The following SDK1 variants were observed in gnomAD, a reference collection of about 807,000 sequenced individuals.
SDK1 encodes the protein sidekick cell adhesion molecule 1.
Under a neutral mutation model 245.5 loss-of-function variants are expected in SDK1, and 157 were observed. That is an observed-to-expected ratio of 0.64 (90% confidence interval 0.56 to 0.73). The LOEUF (loss-of-function observed/expected upper bound fraction) is 0.73, where lower values mean the gene tolerates loss of function less well. Ranked by LOEUF, SDK1 falls within the 30% of genes least tolerant of loss-of-function variation. SDK1 has a pLI of 0.00. For synonymous variants in SDK1, 1,647 were observed against 1,278.5 expected, an observed-to-expected ratio of 1.29 and a Z score of -6.15; for missense variants, 3,583 against 3,002.3, an observed-to-expected ratio of 1.19 and a Z score of -4.52.
At chr7:3,462,526 G>A (rs1271088289) in intron 1 of SDK1, among the ~76,000 whole-genome samples, 1 of 152,014 alleles carries the variant, frequency 6.6e-6, no homozygotes, top group African/African-American at 2.4e-5. Flanking sequence ...ATTTATCTGA[G>A]CTCCCATCAC....
At chr7:4,077,778 C>T (rs1584045897) in intron 21 of SDK1, among the ~76,000 whole-genome samples, 1 of 152,174 alleles carries the variant, frequency 6.6e-6, no homozygotes, top group African/African-American at 2.4e-5. Context: ...GAAAGACCTG[C>T]CCCCATGATT....
At chr7:3,321,365 G>T (rs915296434) in intron 1 of SDK1, among the ~76,000 whole-genome samples, 8 of 152,078 alleles carry the variant, frequency 5.3e-5, no homozygotes, top group African/African-American at 1.4e-4. Context: ...GTCCCAGGTG[G>T]CCAGCCTTGT....
intron 16 of SDK1, among the ~76,000 whole-genome samples, chr7:4,014,214 G>T (rs547984053): frequency 6.6e-6 from 1 of 152,322 alleles, no homozygotes; most frequent in East Asian, 1.9e-4. Flanking sequence ...CCAGGCCCGG[G>T]GCACAGAGTT....
At chr7:3,306,462 A>C (rs781008544) in intron 1 of SDK1, among the ~76,000 whole-genome samples, 1 of 152,228 alleles carries the variant, frequency 6.6e-6, no homozygotes. Context: ...TTTTATCTGC[A>C]CTGAAGTGTA....
At chr7:3,573,729 C>A (rs1363132901) in intron 1 of SDK1, among the ~76,000 whole-genome samples, 1 of 152,000 alleles carries the variant, frequency 6.6e-6, no homozygotes, top group African/African-American at 2.4e-5. Flanking sequence ...TTTCTGGGAG[C>A]CAGGCTGCGT....
intron 5 of SDK1, among the ~76,000 whole-genome samples, chr7:3,839,332 T>C (rs1158133109): frequency 1.3e-5 from 2 of 152,164 alleles, no homozygotes; most frequent in Non-Finnish European, 2.9e-5. Flanking sequence ...AATAAGTGGG[T>C]AAGAAATCCC....
intron 4 of SDK1, among the ~76,000 whole-genome samples, chr7:3,671,403 A>G (rs919106554): frequency 2.0e-5 from 3 of 152,230 alleles, no homozygotes; most frequent in Admixed American, 1.3e-4. Context: ...AATGGAATCA[A>G]TGTACATCTC....
intron 13 of SDK1, among the ~76,000 whole-genome samples, chr7:3,977,380 G>A (rs919782145): frequency 1.9e-5 from 2 of 106,348 alleles, no homozygotes; most frequent in African/African-American, 3.1e-5. Flanking sequence ...CCACACAGAC[G>A]GTCCTCCAGA....
intron 3 of SDK1, 123 bp downstream of exon 3, chr7:3,639,233 A>G: frequency 7.7e-6 from 4 of 518,248 alleles, no homozygotes; most frequent in Non-Finnish European, 3.4e-6. Context: ...TTTGAGTAGA[A>G]TAATTGCAAA....
chr7:3,598,325 A>G (rs1186624955), intron 1 of SDK1, among the ~76,000 whole-genome samples: 1 of 152,206 alleles, frequency 6.6e-6, no homozygotes, highest in Non-Finnish European at 1.5e-5. Flanking sequence ...GCATTATCAG[A>G]ATATTTTCTC....
At chr7:4,254,699 T>C (rs1300724148) in intron 44 of SDK1, among the ~76,000 whole-genome samples, 3 of 151,792 alleles carry the variant, frequency 2.0e-5, no homozygotes, top group Non-Finnish European at 2.9e-5. Context: ...TCATTTTTGG[T>C]CATATATTGC....
intron 7 of SDK1, among the ~76,000 whole-genome samples, chr7:3,953,261 C>A (rs191620917): frequency 1.4e-3 from 209 of 152,250 alleles, no homozygotes; most frequent in African/African-American, 4.9e-3. Context: ...CGTCCCATTC[C>A]TTTAATCATT....
At chr7:4,114,401 T>C (rs906990775) in intron 25 of SDK1, 127 bp downstream of exon 25, 1 of 728,732 alleles carries the variant, frequency 1.4e-6, no homozygotes, top group African/African-American at 2.1e-5. Flanking sequence ...TCTTGGAGCT[T>C]TCCTAATCCC....
intron 41 of SDK1, among the ~76,000 whole-genome samples, chr7:4,234,527 G>A (rs982979010): frequency 6.6e-6 from 1 of 152,164 alleles, no homozygotes; most frequent in African/African-American, 2.4e-5. Flanking sequence ...GAAGGTGGCG[G>A]AGAAAAAGTC....
chr7:3,669,968 C>G (rs1783646587), intron 4 of SDK1, among the ~76,000 whole-genome samples: 1 of 152,230 alleles, frequency 6.6e-6, no homozygotes, highest in Admixed American at 6.5e-5. Context: ...AAGGAATTAT[C>G]CTTGATACTT....
intron 44 of SDK1, among the ~76,000 whole-genome samples, chr7:4,261,603 T>C (rs961478798): frequency 1.3e-5 from 2 of 152,156 alleles, no homozygotes; most frequent in Non-Finnish European, 2.9e-5. Context: ...TGTAAAAGAA[T>C]GCACATTCCC....
intron 4 of SDK1, among the ~76,000 whole-genome samples, chr7:3,809,851 C>T (rs1387788893): frequency 6.6e-6 from 1 of 152,132 alleles, no homozygotes; most frequent in Admixed American, 6.6e-5. Flanking sequence ...AAGTGAGACA[C>T]AGAAAGCATT....
intron 1 of SDK1, among the ~76,000 whole-genome samples, chr7:3,508,651 C>A (rs1782475084): frequency 6.6e-6 from 1 of 152,114 alleles, no homozygotes; most frequent in Non-Finnish European, 1.5e-5. Flanking sequence ...CTTGAGATTG[C>A]AATTTAGATA....
intron 1 of SDK1, among the ~76,000 whole-genome samples, chr7:3,599,771 T>C (rs1781196146): frequency 6.6e-6 from 1 of 152,224 alleles, no homozygotes; most frequent in Admixed American, 6.5e-5. Context: ...TGCCTTGTGT[T>C]GAGTGTTTGC....
Sources: gnomAD v4.1 joint callset for allele counts (sites outside exome capture counted in the v4.1 genomes callset) on GRCh38, gnomAD v4.1.1 for gene constraint, MANE v1.5 for transcripts, NCBI Gene and HGNC (gene_info 2026-07-23, HGNC 2026-07-21) for gene names.